Variants in WDFY4 observed in about 807,000 individuals in gnomAD.
WDFY4 encodes the protein WD repeat- and FYVE domain-containing protein 4.
A neutral mutation model predicts 351.9 loss-of-function variants in WDFY4; 169 were observed. The observed-to-expected ratio is 0.48, with a 90% CI of 0.42 to 0.55. The LOEUF is 0.55. WDFY4 is among the 20% of genes least tolerant of loss of function. The probability of loss-of-function intolerance (pLI) is 0.00; values close to 1 mark genes in which losing one functional copy is unlikely to be tolerated. For missense variants in WDFY4, 3,803 were observed against 3,935.6 expected (o/e 0.97, Z 0.90); for synonymous variants, 1,622 against 1,574.6 (o/e 1.03, Z -0.71).
intron 47 of WDFY4, among the ~76,000 whole-genome samples, chr10:48,917,410 G>A (rs778279148): frequency 3.3e-5 from 5 of 152,174 alleles, no homozygotes; most frequent in Non-Finnish European, 5.9e-5. Flanking sequence ...GAAGCTCAGC[G>A]AACTCCAAAC....
chr10:48,715,741 T>G (rs2063887465), intron 2 of WDFY4, among the ~76,000 whole-genome samples: 1 of 152,058 alleles, frequency 6.6e-6, no homozygotes, highest in South Asian at 2.1e-4. Context: ...TTCTCCTGCC[T>G]CAGCCTCCTG....
rs149075704 is a variant in WDFY4 at position 48,978,905 on chromosome 10, T to C, written c.9376+512T>C. ...GCATCCCAGAACCTGTGATCATCCA[T>C]AGGAGAGAATTTCCCAGATTTCTGA... On this transcript the variant is annotated intron_variant, in intron 60 of 61. Coordinates refer to ENST00000325239, the MANE Select transcript of WDFY4 (RefSeq NM_001394531.1). 724 of 152,728 alleles carry C rather than the reference T, an allele frequency of 4.7e-3. 3 individuals carry two copies. Among genetic ancestry groups the C allele is most frequent in the Admixed American group, 8.1e-3 (124 of 15,346 alleles). 9.5% of individuals were successfully genotyped at this position (152,728 alleles called of 1,614,324 possible). A position where few individuals can be genotyped will look rare whatever the true frequency, so the allele number is the denominator to read the frequency against.
At chr10:48,776,205 G>A (rs191755634) in intron 15 of WDFY4, among the ~76,000 whole-genome samples, 57 of 152,344 alleles carry the variant, frequency 3.7e-4, no homozygotes, top group African/African-American at 1.3e-3. Flanking sequence ...CCCTGTGTCA[G>A]GCCTAGTACC....
At chr10:48,787,886 TTCTTCTCCTTCTTC>T (rs2066489737) in intron 20 of WDFY4, among the ~76,000 whole-genome samples, 1 of 82,156 alleles carries the variant, frequency 1.2e-5, no homozygotes, top group South Asian at 4.1e-4. Flanking sequence ...TTCTTTCTTC[TTCTTCTCCTTCTTC>T]TTCTTCTTCT....
intron 10 of WDFY4, 121 bp from the exon 11 acceptor site, chr10:48,735,759 G>C (rs1223632303): frequency 2.8e-6 from 3 of 1,069,566 alleles, no homozygotes; most frequent in Admixed American, 2.8e-5. Flanking sequence ...GTGAGCAAAA[G>C]AGAAACAAAA....
rs372871297 is a variant in WDFY4 at position 48,789,929 on chromosome 10, C to G, written c.4010C>G (p.Ala1337Gly). 2.4e-5 allele frequency: 37 copies of G among 1,552,406 alleles called. No homozygotes were observed. The East Asian group carries it at 8.6e-4, about 36-fold the overall frequency. ...AMPVFLLRNCAGHLSGSLRTI... is the reference protein window; with the variant it reads ...AMPVFLLRNCGGHLSGSLRTI... ...CCCGTGTTCTTGCTGAGGAATTGTGCTGGCCACCTGTCAGGGTCTCTGCGG... is the reference window on the plus strand; with the variant it reads ...CCCGTGTTCTTGCTGAGGAATTGTGGTGGCCACCTGTCAGGGTCTCTGCGG... The change falls in exon 22 of 62, where the codon GCT becomes GGT. Residue 1337 changes from alanine (A) to glycine (G), a missense_variant. Coordinates refer to ENST00000325239, the MANE Select transcript of WDFY4 (RefSeq NM_001394531.1).
chr10:48,785,014 T>A (rs1283994452), intron 19 of WDFY4, among the ~76,000 whole-genome samples: 1 of 151,382 alleles, frequency 6.6e-6, no homozygotes, highest in Non-Finnish European at 1.5e-5. Flanking sequence ...CCCACCACCA[T>A]GCCTGGCTAA....
rs191097279 is a variant in WDFY4, at chr10:48,742,731, A to G, written c.1879-237A>G. 4.6e-5 allele frequency among the ~76,000 whole-genome samples: 7 copies of G among 152,348 alleles called. No homozygotes were observed. In the East Asian group the frequency reaches 7.7e-4, roughly 17 times the overall value. ...TTCTGGAAGGATATGCATTCATGTCAAAAAACAGGACAGTTAAATCAACCG... is the reference window on the plus strand; with the variant it reads ...TTCTGGAAGGATATGCATTCATGTCGAAAAACAGGACAGTTAAATCAACCG... On this transcript the variant is annotated intron_variant, in intron 11 of 61. Coordinates refer to ENST00000325239, the MANE Select transcript of WDFY4 (RefSeq NM_001394531.1).
At chr10:48,784,294 A>C (rs1055279793) in intron 19 of WDFY4, among the ~76,000 whole-genome samples, 1 of 152,180 alleles carries the variant, frequency 6.6e-6, no homozygotes, top group Non-Finnish European at 1.5e-5. Flanking sequence ...GTATCATTTG[A>C]CATTTCCGCT....
chr10:48,976,650 A>T, intron 58 of WDFY4, 147 bp from the exon 59 acceptor site: 1 of 595,952 alleles, frequency 1.7e-6, no homozygotes, highest in Non-Finnish European at 2.5e-6. Flanking sequence ...CCTGTAAGTC[A>T]GCTGGAAAGA....
Position 48,981,256 on chromosome 10 carries a change from G to A in WDFY4, c.9377-111G>A, listed in dbSNP as rs117621826. The A allele has an allele frequency of 6.0e-3, 5,289 of 884,796 alleles. 24 individuals carry two copies. The highest frequency in any genetic ancestry group is 7.9e-3 in the Non-Finnish European group (4,516 of 574,802). The allele number at this position is 884,796 out of a possible 1,614,324, so 54.8% of individuals were successfully genotyped here. ...TTCCCCCTCAATTTAACAAGTTGCT[G>A]ACCACAAATATAAATATGTGCGTAT... is the stretch of plus-strand genomic sequence containing the variant. On this transcript the variant is annotated intron_variant, in intron 60 of 61. Coordinates refer to ENST00000325239, the MANE Select transcript of WDFY4 (RefSeq NM_001394531.1).
At chr10:48,733,082 CTT>C (rs2064523166) in intron 9 of WDFY4, among the ~76,000 whole-genome samples, 1 of 152,252 alleles carries the variant, frequency 6.6e-6, no homozygotes, top group Admixed American at 6.5e-5. Context: ...TGCACCGTCT[CTT>C]TGTTTGGTGG....
In WDFY4 at chr10:48,731,330, G is replaced by A; in HGVS notation, c.1350G>A (p.Gln450=). 1 of 1,551,808 alleles carries A rather than the reference G, an allele frequency of 6.4e-7. No individual in the cohort carries two copies. The highest frequency in any genetic ancestry group is 8.7e-7 in the Non-Finnish European group (1 of 1,147,014). ...CCCCAGTGCAGGAACACTTCTTCCA[G>A]CTTCTAGAGGCCCTGGTGTTCGAGC... is the stretch of plus-strand genomic sequence containing the variant. The part of the protein sequence containing the change: ...KPAPVQEHFF[Q]LLEALVFELH... Residue 450 remains glutamine (Q), a synonymous_variant, in exon 9 of 62, where the codon CAG becomes CAA. Coordinates refer to ENST00000325239, the MANE Select transcript of WDFY4 (RefSeq NM_001394531.1).
intron 47 of WDFY4, among the ~76,000 whole-genome samples, chr10:48,937,067 T>C (rs975375208): frequency 4.6e-5 from 7 of 151,928 alleles, no homozygotes; most frequent in Non-Finnish European, 8.8e-5. Flanking sequence ...CTAATTTTTG[T>C]ATTTTTAGTA....
intron 47 of WDFY4, among the ~76,000 whole-genome samples, chr10:48,921,769 A>G (rs1412790111): frequency 1.3e-5 from 2 of 152,204 alleles, no homozygotes; most frequent in Non-Finnish European, 2.9e-5. Flanking sequence ...AGAATATTTA[A>G]AGATACATTT....
intron 47 of WDFY4, among the ~76,000 whole-genome samples, chr10:48,930,998 A>G (rs1400351586): frequency 6.6e-6 from 1 of 152,046 alleles, no homozygotes; most frequent in Non-Finnish European, 1.5e-5. Context: ...TCCTTCTTAT[A>G]TGTCTACATA....
chr10:48,723,914 T>A (rs2064177076), intron 5 of WDFY4, among the ~76,000 whole-genome samples: 1 of 151,806 alleles, frequency 6.6e-6, no homozygotes, highest in South Asian at 2.1e-4. Flanking sequence ...GGGTCTGGGG[T>A]CATAGAAGTC....
At chr10:48,805,110 G>T in intron 25 of WDFY4, 150 bp from the exon 26 acceptor site, 3 of 947,964 alleles carry the variant, frequency 3.2e-6, no homozygotes, top group Non-Finnish European at 4.6e-6. Flanking sequence ...TTCAATGGGT[G>T]TCTGACGGCA....
At chr10:48,733,569 C>A (rs772807451) in intron 9 of WDFY4, among the ~76,000 whole-genome samples, 1 of 152,198 alleles carries the variant, frequency 6.6e-6, no homozygotes, top group Non-Finnish European at 1.5e-5. Flanking sequence ...TCATCTGGGG[C>A]AATGCTTCTC....
Sources: allele counts gnomAD v4.1 joint callset (sites outside exome capture counted in the v4.1 genomes callset), GRCh38; gene constraint gnomAD v4.1.1; transcripts MANE v1.5; gene names NCBI Gene and HGNC (gene_info 2026-07-23, HGNC 2026-07-21).